Variants in MAPK4 observed in about 807,000 individuals in gnomAD.
MAPK4 encodes the protein mitogen-activated protein kinase 4, also known as Erk3-related.
In MAPK4, 22 loss-of-function variants were observed where a neutral mutation model predicts 47.7. That is an observed-to-expected ratio of 0.46 (90% CI 0.33 to 0.66). The LOEUF (loss-of-function observed/expected upper bound fraction) is 0.66. Among genes scored for constraint, MAPK4 ranks in the 30% least tolerant of loss-of-function variants. MAPK4 has a pLI of 0.02. For missense variants in MAPK4, 736 were observed against 831.7 expected (o/e 0.88, Z 1.42); for synonymous variants, 390 against 365.7 (o/e 1.07, Z -0.76).
chr18:50,685,020 G>T (rs1908796661), intron 2 of MAPK4, among the ~76,000 whole-genome samples: 1 of 152,094 alleles, frequency 6.6e-6, no homozygotes, highest in African/African-American at 2.4e-5. Context: ...AAGCCTCCTA[G>T]CTCACAGCAC....
At chr18:50,688,450 G>A (rs1289499952) in intron 2 of MAPK4, among the ~76,000 whole-genome samples, 42 of 152,232 alleles carry the variant, frequency 2.8e-4, no homozygotes, top group Admixed American at 2.7e-3. Context: ...CATGACTTGA[G>A]TTAACCTCTC....
intron 2 of MAPK4, among the ~76,000 whole-genome samples, chr18:50,706,342 C>T (rs1910050955): frequency 1.3e-5 from 2 of 152,248 alleles, no homozygotes; most frequent in South Asian, 2.1e-4. Flanking sequence ...AATACAGCTA[C>T]ACCTTGGAGT....
intron 1 of MAPK4, among the ~76,000 whole-genome samples, chr18:50,577,072 A>G (rs2042304075): frequency 6.6e-6 from 1 of 152,184 alleles, no homozygotes; most frequent in African/African-American, 2.4e-5. Flanking sequence ...GACCCTATAA[A>G]ATATTGATGT....
At chr18:50,635,789 G>A (rs1314442600) in intron 1 of MAPK4, among the ~76,000 whole-genome samples, 1 of 152,118 alleles carries the variant, frequency 6.6e-6, no homozygotes, top group Non-Finnish European at 1.5e-5. Flanking sequence ...GGTGCTTATG[G>A]TCTAGTTCAT....
chr18:50,662,889 A>G (rs572663049), intron 1 of MAPK4, among the ~76,000 whole-genome samples, 200 bp from the exon 2 acceptor site: 8 of 152,216 alleles, frequency 5.3e-5, no homozygotes, highest in Non-Finnish European at 8.8e-5. Context: ...AAATCAATCC[A>G]TCTTCTGTCT....
intron 2 of MAPK4, among the ~76,000 whole-genome samples, chr18:50,681,795 A>G (rs1405702406): frequency 6.6e-6 from 1 of 152,196 alleles, no homozygotes; most frequent in Non-Finnish European, 1.5e-5. Flanking sequence ...GTACTATGCT[A>G]TCTCAACTAC....
chr18:50,637,374 A>G (rs1387794545), intron 1 of MAPK4, among the ~76,000 whole-genome samples: 1 of 152,200 alleles, frequency 6.6e-6, no homozygotes, highest in East Asian at 1.9e-4. Context: ...AAGGTCAGGT[A>G]TAGTGAAGTT....
At chr18:50,563,545 A>G (rs1212326307) in intron 1 of MAPK4, among the ~76,000 whole-genome samples, 1 of 152,192 alleles carries the variant, frequency 6.6e-6, no homozygotes, top group Non-Finnish European at 1.5e-5. Flanking sequence ...GCTGTGGGGT[A>G]GCACTGCCCT....
intron 3 of MAPK4, among the ~76,000 whole-genome samples, chr18:50,721,048 C>T (rs190000559): frequency 6.6e-6 from 1 of 152,230 alleles, no homozygotes; most frequent in African/African-American, 2.4e-5. Context: ...AAGTTTTAAC[C>T]TAGTACAGCT....
Position 50,664,522 on chromosome 18 carries a change from G to C in MAPK4, c.546+18G>C. On this transcript the variant is annotated intron_variant, in intron 2 of 5. Transcript: ENST00000400384. The surrounding 1 kb of genome is among the most constrained non-coding windows in gnomAD (Gnocchi z 6.0). The stretch of plus-strand genomic sequence containing the variant: ...CCCACAAGGTATGTCTGGCTGGAAT[G>C]GCGGATACTGGTGGTCCACAGAATC... 6.4e-7 allele frequency: 1 copy of C among 1,560,024 alleles called. No homozygotes were observed. The highest frequency in any genetic ancestry group is 8.7e-7 in the Non-Finnish European group (1 of 1,149,620).
intron 1 of MAPK4, among the ~76,000 whole-genome samples, chr18:50,652,738 A>C (rs2043064099): frequency 6.6e-6 from 1 of 152,192 alleles, no homozygotes; most frequent in East Asian, 1.9e-4. Context: ...AACATCAAAC[A>C]CAGCAGTTAA....
chr18:50,728,586 A>T (rs1024204537), intron 5 of MAPK4, among the ~76,000 whole-genome samples: 3 of 152,172 alleles, frequency 2.0e-5, no homozygotes, highest in African/African-American at 7.2e-5. Flanking sequence ...TGAGGCAGAC[A>T]TGCTATTTTA....
intron 4 of MAPK4, among the ~76,000 whole-genome samples, chr18:50,723,263 G>A (rs1911024607): frequency 6.6e-6 from 1 of 152,230 alleles, no homozygotes; most frequent in South Asian, 2.1e-4. Flanking sequence ...GCCAAAGCCA[G>A]GGGAAGAGAG....
At chr18:50,721,745 A>G (rs1910945036) in intron 3 of MAPK4, among the ~76,000 whole-genome samples, 193 bp from the exon 4 acceptor site, 1 of 152,210 alleles carries the variant, frequency 6.6e-6, no homozygotes, top group African/African-American at 2.4e-5. Flanking sequence ...TACTTTTGAC[A>G]AAGCCAAGCC....
At chr18:50,683,817 G>A (rs928720082) in intron 2 of MAPK4, among the ~76,000 whole-genome samples, 5 of 152,118 alleles carry the variant, frequency 3.3e-5, no homozygotes, top group African/African-American at 1.2e-4. Flanking sequence ...CTGGATGTAG[G>A]GTGGCATGGA....
intron 1 of MAPK4, among the ~76,000 whole-genome samples, chr18:50,605,119 G>A (rs887473749): frequency 6.6e-6 from 1 of 152,166 alleles, no homozygotes; most frequent in East Asian, 1.9e-4. Context: ...AACCCTACAA[G>A]GCAGATGCTT....
At chr18:50,634,199 T>C (rs190227059) in intron 1 of MAPK4, among the ~76,000 whole-genome samples, 1 of 152,270 alleles carries the variant, frequency 6.6e-6, no homozygotes, top group Admixed American at 6.5e-5. Flanking sequence ...TCTGAGCAAC[T>C]CTTGGTTCTG....
chr18:50,670,611 G>C (rs548119896), intron 2 of MAPK4, among the ~76,000 whole-genome samples: 1 of 152,178 alleles, frequency 6.6e-6, no homozygotes, highest in African/African-American at 2.4e-5. Context: ...ATAAAAATTA[G>C]CCAGGCGTGG....
chr18:50,651,816 G>A (rs370683396), intron 1 of MAPK4, among the ~76,000 whole-genome samples: 5 of 152,116 alleles, frequency 3.3e-5, no homozygotes, highest in South Asian at 4.1e-4. Context: ...TGATGCTCCC[G>A]CCAGTCTCCA....
Sources: allele counts gnomAD v4.1 joint callset (sites outside exome capture counted in the v4.1 genomes callset), GRCh38; gene constraint gnomAD v4.1.1; non-coding constraint Gnocchi (gnomAD v3.1); transcripts MANE v1.5; gene names NCBI Gene and HGNC (gene_info 2026-07-23, HGNC 2026-07-21).